LNPEP: variants seen among roughly 807,000 people sequenced by gnomAD.
LNPEP encodes leucyl-cystinyl aminopeptidase.
Under a neutral mutation model 120.6 loss-of-function variants are expected in LNPEP, and 64 were observed. The ratio of observed to expected loss-of-function variants is 0.53; its 90% CI spans 0.43 to 0.65. The LOEUF (loss-of-function observed/expected upper bound fraction) is 0.65, where lower values mean the gene tolerates loss of function less well. Among genes scored for constraint, LNPEP ranks in the 30% least tolerant of loss-of-function variants. The pLI, the probability that LNPEP is intolerant of heterozygous loss-of-function variation, is 0.00. For missense variants in LNPEP, 1,057 were observed against 1,200.0 expected, an observed-to-expected ratio of 0.88 and a Z score of 1.76; for synonymous variants, 435 against 425.4, an observed-to-expected ratio of 1.02 and a Z score of -0.28.
At chr5:97,005,879 A>C (rs1790768130) in intron 9 of LNPEP, among the ~76,000 whole-genome samples, 194 bp from the exon 10 acceptor site, 1 of 152,090 alleles carries the variant, frequency 6.6e-6, no homozygotes, top group African/African-American at 2.4e-5. Context: ...CATTCCTTTT[A>C]GCAGTTGCTC....
At chr5:96,997,389 A>G (rs909646798) in intron 7 of LNPEP, among the ~76,000 whole-genome samples, 1 of 152,118 alleles carries the variant, frequency 6.6e-6, no homozygotes, top group Non-Finnish European at 1.5e-5. Context: ...GAATACTAAG[A>G]AAGATATTCT....
At chr5:97,010,250 T>C (rs1790893486) in intron 11 of LNPEP, 13 of 955,694 alleles carry the variant, frequency 1.4e-5, no homozygotes, top group Non-Finnish European at 1.5e-5. Flanking sequence ...TCTTTAACTA[T>C]AGGAGATTTT....
intron 1 of LNPEP, among the ~76,000 whole-genome samples, chr5:96,962,913 C>T (rs143276447): frequency 5.9e-5 from 9 of 152,234 alleles, no homozygotes; most frequent in African/African-American, 1.9e-4. Flanking sequence ...CAGTGTCTAA[C>T]CTGGTCCCGT....
intron 2 of LNPEP, among the ~76,000 whole-genome samples, chr5:96,981,437 A>C (rs1790121932): frequency 6.6e-6 from 1 of 152,162 alleles, no homozygotes; most frequent in Non-Finnish European, 1.5e-5. Context: ...TCTATTTCTT[A>C]ATCTTAAAGA....
intron 1 of LNPEP, among the ~76,000 whole-genome samples, chr5:96,946,769 TGA>T (rs1369693985): frequency 6.6e-6 from 1 of 152,196 alleles, no homozygotes; most frequent in Non-Finnish European, 1.5e-5. Context: ...ATCAATCCAA[TGA>T]GTCACATGGA....
intron 2 of LNPEP, among the ~76,000 whole-genome samples, chr5:96,981,990 C>T (rs1790137303): frequency 6.6e-6 from 1 of 152,100 alleles, no homozygotes; most frequent in Admixed American, 6.6e-5. Context: ...ATAATAATAG[C>T]CAGTATTCAC....
At chr5:96,986,797 T>C (rs948231366) in intron 4 of LNPEP, 127 bp downstream of exon 4, 16 of 822,768 alleles carry the variant, frequency 1.9e-5, no homozygotes, top group Non-Finnish European at 2.6e-5. Context: ...TGACATTTTA[T>C]ACCAGAAATG....
At chr5:97,010,985 T>A in intron 11 of LNPEP, 1 of 985,388 alleles carries the variant, frequency 1.0e-6, no homozygotes, top group South Asian at 4.7e-5. Context: ...TGTTGTGTCA[T>A]CTCGATGACA....
chr5:96,958,692 C>G (rs2112577251), intron 1 of LNPEP: 1 of 168,940 alleles, frequency 5.9e-6, no homozygotes, highest in African/African-American at 2.4e-5. Context: ...GGGCAGGATC[C>G]ATTTCCTGCA....
At chr5:97,005,781 G>A (rs1386422365) in intron 9 of LNPEP, among the ~76,000 whole-genome samples, 2 of 152,100 alleles carry the variant, frequency 1.3e-5, no homozygotes, top group Admixed American at 1.3e-4. Flanking sequence ...GGATTTTAAT[G>A]AATTCTTAGT....
Position 96,998,082 on chromosome 5 carries a change from A to T in LNPEP, c.1590A>T (p.Ile530=). The change falls in exon 8 of 18, where the codon ATA becomes ATT. Residue 530 remains isoleucine (I), a synonymous_variant. Transcript: ENST00000231368. ...KKDSLNSSHP[I]SSSVQSSEQI... ...ATTCCTTAAATTCATCTCATCCAAT[A>T]TCATCATCTGTTCAGTCTTCAGAAC... 1 of 1,586,692 alleles carries T rather than the reference A, an allele frequency of 6.3e-7. No homozygotes were observed. Among genetic ancestry groups the T allele is most frequent in the Non-Finnish European group, 8.6e-7 (1 of 1,158,504 alleles).
chr5:97,000,987 G>A (rs1410663893), intron 8 of LNPEP, among the ~76,000 whole-genome samples: 1 of 152,232 alleles, frequency 6.6e-6, no homozygotes, highest in Non-Finnish European at 1.5e-5. Flanking sequence ...AGTAGATGAA[G>A]TTAGAGGGAC....
chr5:97,005,749 G>A (rs1483780876), intron 9 of LNPEP, among the ~76,000 whole-genome samples: 1 of 152,100 alleles, frequency 6.6e-6, no homozygotes, highest in Non-Finnish European at 1.5e-5. Context: ...CCTTCTTAGG[G>A]ATTTTAACTT....
chr5:96,985,677 C>T (rs1266990779), intron 3 of LNPEP, among the ~76,000 whole-genome samples: 1 of 151,966 alleles, frequency 6.6e-6, no homozygotes, highest in Non-Finnish European at 1.5e-5. Flanking sequence ...TAGATGTTAG[C>T]TCTGTGTGGG....
chr5:96,953,843 A>G (rs954839488), intron 1 of LNPEP, among the ~76,000 whole-genome samples: 2 of 152,218 alleles, frequency 1.3e-5, no homozygotes, highest in African/African-American at 4.8e-5. Context: ...ATAGAGGTTA[A>G]TATAAGAAAT....
At position 97,015,047 on chromosome 5, in the gene LNPEP, T is replaced by C; in HGVS notation, c.2328T>C (p.Tyr776=). ...TEALFQTDLI[Y]NLLEKLGYMD... The stretch of plus-strand genomic sequence containing the variant: ...CCCTGTTTCAGACAGACCTCATCTA[T>C]AACCTCCTTGAAAAACTGGGATACA... The change falls in exon 13 of 18, where the codon TAT becomes TAC. Residue 776 remains tyrosine (Y), a synonymous_variant. Coordinates refer to ENST00000231368, the MANE Select transcript of LNPEP (RefSeq NM_005575.3). The C allele has an allele frequency of 6.3e-7, 1 of 1,597,118 alleles. No individual in the cohort carries two copies. The highest frequency in any genetic ancestry group is 1.2e-5 in the South Asian group (1 of 86,434).
intron 1 of LNPEP, among the ~76,000 whole-genome samples, chr5:96,974,233 C>A (rs947855265): frequency 6.6e-6 from 1 of 152,108 alleles, no homozygotes; most frequent in Non-Finnish European, 1.5e-5. Flanking sequence ...TCTGCTCAAG[C>A]CCCTATGCCT....
chr5:97,011,096 C>T (rs1032740521), intron 11 of LNPEP: 19 of 985,234 alleles, frequency 1.9e-5, no homozygotes, highest in Non-Finnish European at 2.2e-5. Context: ...CAAGGTATTC[C>T]GTATGTATTT....
chr5:96,996,310 A>G (rs976838197), intron 6 of LNPEP, 80 bp from the exon 7 acceptor site: 5 of 770,258 alleles, frequency 6.5e-6, no homozygotes, highest in African/African-American at 1.7e-5. Context: ...TAGATAATTA[A>G]TATGACACTT....
Sources: allele counts gnomAD v4.1 joint callset (sites outside exome capture counted in the v4.1 genomes callset), GRCh38; gene constraint gnomAD v4.1.1; transcripts MANE v1.5; gene names NCBI Gene and HGNC (gene_info 2026-07-23, HGNC 2026-07-21).